The following KCNAB1 variants were observed in gnomAD, a reference collection of about 807,000 sequenced individuals.
The protein encoded by KCNAB1 is voltage-gated potassium channel subunit beta-1.
In KCNAB1, 35 loss-of-function variants were observed where a neutral mutation model predicts 64.6. The observed-to-expected ratio is 0.54, with a 90% CI of 0.41 to 0.72. The LOEUF (loss-of-function observed/expected upper bound fraction) is 0.72, where lower values mean the gene tolerates loss of function less well. Ranked by LOEUF, KCNAB1 falls within the 30% of genes least tolerant of loss-of-function variation. KCNAB1 has a pLI of 0.00. For missense variants in KCNAB1, 401 were observed against 512.9 expected (o/e 0.78, Z 2.11); for synonymous variants, 177 against 183.8 (o/e 0.96, Z 0.30).
At chr3:156,139,794 A>G (rs554944558) in intron 1 of KCNAB1, among the ~76,000 whole-genome samples, 1 of 152,244 alleles carries the variant, frequency 6.6e-6, no homozygotes, top group East Asian at 1.9e-4. Flanking sequence ...ACAAAGCATC[A>G]TTCTGATCAT....
intron 1 of KCNAB1, among the ~76,000 whole-genome samples, chr3:156,297,595 A>G (rs944035617): frequency 6.6e-6 from 1 of 152,182 alleles, no homozygotes; most frequent in African/African-American, 2.4e-5. Context: ...CTCAGACCAG[A>G]TACCAGATGC....
At chr3:156,383,221 A>C (rs1712307992) in intron 1 of KCNAB1, among the ~76,000 whole-genome samples, 2 of 152,190 alleles carry the variant, frequency 1.3e-5, no homozygotes, top group South Asian at 4.1e-4. Flanking sequence ...GAGTAGGTAC[A>C]TTCCCAAGGG....
chr3:156,269,729 C>G (rs528307614), intron 1 of KCNAB1, among the ~76,000 whole-genome samples: 2 of 151,844 alleles, frequency 1.3e-5, no homozygotes, highest in Admixed American at 1.3e-4. Context: ...ATGTAATGAC[C>G]TTTGTCTCTT....
chr3:156,305,147 C>G (rs1264916398), intron 1 of KCNAB1, among the ~76,000 whole-genome samples: 1 of 151,960 alleles, frequency 6.6e-6, no homozygotes, highest in Non-Finnish European at 1.5e-5. Context: ...TGCAAGCGAC[C>G]ATATACCTGA....
At chr3:156,526,649 A>G (rs1443082925) in intron 12 of KCNAB1, among the ~76,000 whole-genome samples, 1 of 152,200 alleles carries the variant, frequency 6.6e-6, no homozygotes, top group East Asian at 1.9e-4. Context: ...GATATTTGTC[A>G]GGTTCTATAG....
chr3:156,340,672 A>T (rs1230904254), intron 1 of KCNAB1, among the ~76,000 whole-genome samples: 1 of 152,206 alleles, frequency 6.6e-6, no homozygotes, highest in Admixed American at 6.5e-5. Context: ...TCTGAAATAA[A>T]CAGCCAATGT....
intron 7 of KCNAB1, among the ~76,000 whole-genome samples, chr3:156,469,275 G>GAGAC (rs1265736952): frequency 1.3e-5 from 1 of 75,992 alleles, no homozygotes; most frequent in Non-Finnish European, 2.4e-5. Context: ...TTTTTTTTTG[G>GAGAC]AGACAGAGTC....
chr3:156,361,280 C>T (rs971462289), intron 1 of KCNAB1, among the ~76,000 whole-genome samples: 1 of 152,136 alleles, frequency 6.6e-6, no homozygotes, highest in Non-Finnish European at 1.5e-5. Context: ...TAGCCATCCA[C>T]GTGGCTGTCT....
intron 1 of KCNAB1, among the ~76,000 whole-genome samples, chr3:156,172,633 A>T (rs1266849840): frequency 1.3e-5 from 2 of 152,196 alleles, no homozygotes; most frequent in African/African-American, 4.8e-5. Flanking sequence ...TTGGTTACTT[A>T]TTCCCAGGTC....
intron 1 of KCNAB1, among the ~76,000 whole-genome samples, chr3:156,189,462 T>C (rs951947379): frequency 2.6e-5 from 4 of 152,246 alleles, no homozygotes; most frequent in Non-Finnish European, 4.4e-5. Flanking sequence ...GCTGTTATTA[T>C]GGCCAGTGTG....
At chr3:156,357,763 A>G (rs1725356500) in intron 1 of KCNAB1, among the ~76,000 whole-genome samples, 1 of 149,740 alleles carries the variant, frequency 6.7e-6, no homozygotes, top group African/African-American at 2.4e-5. Context: ...TTATCAATAT[A>G]TCATAATGTA....
intron 1 of KCNAB1, among the ~76,000 whole-genome samples, chr3:156,356,641 A>C (rs1725265278): frequency 6.6e-6 from 1 of 152,228 alleles, no homozygotes; most frequent in Non-Finnish European, 1.5e-5. Context: ...CTTTCTGTAC[A>C]AATAATATAC....
intron 1 of KCNAB1, among the ~76,000 whole-genome samples, chr3:156,129,933 C>A (rs932721728): frequency 2.6e-5 from 4 of 152,158 alleles, no homozygotes. Flanking sequence ...TAACATGGAC[C>A]AAACGCCTTG....
chr3:156,465,872 T>G (rs376009234), intron 7 of KCNAB1, among the ~76,000 whole-genome samples, 186 bp downstream of exon 7: 4 of 152,106 alleles, frequency 2.6e-5, no homozygotes, highest in African/African-American at 9.7e-5. Context: ...GAATGGGAAC[T>G]CAAAAGGAAA....
At chr3:156,363,833 G>A (rs947836770) in intron 1 of KCNAB1, among the ~76,000 whole-genome samples, 23 of 152,118 alleles carry the variant, frequency 1.5e-4, no homozygotes, top group Non-Finnish European at 1.5e-5. Context: ...ATAAAATGGT[G>A]CAGAATCTCA....
At chr3:156,536,556 G>T (rs919146499) in intron 13 of KCNAB1, 102 bp from the exon 14 acceptor site, 12 of 806,440 alleles carry the variant, frequency 1.5e-5, no homozygotes, top group Non-Finnish European at 2.4e-5. Flanking sequence ...TGTGGTTTAT[G>T]AAGATATATG....
intron 2 of KCNAB1, among the ~76,000 whole-genome samples, chr3:156,451,563 T>C (rs1383691624): frequency 6.9e-6 from 1 of 144,390 alleles, no homozygotes; most frequent in Non-Finnish European, 1.5e-5. Flanking sequence ...CTTAGTATAC[T>C]GTCTGGCATT....
At chr3:156,136,865 G>C (rs905803609) in intron 1 of KCNAB1, among the ~76,000 whole-genome samples, 22 of 152,232 alleles carry the variant, frequency 1.4e-4, no homozygotes, top group African/African-American at 4.8e-4. Context: ...TTTTGCTACA[G>C]ATGCCAGAGC....
intron 1 of KCNAB1, among the ~76,000 whole-genome samples, chr3:156,350,730 T>A (rs1724802573): frequency 6.6e-6 from 1 of 152,250 alleles, no homozygotes; most frequent in Non-Finnish European, 1.5e-5. Context: ...CATGACTCCA[T>A]GAAAATGTGT....
Sources: allele counts gnomAD v4.1 joint callset (sites outside exome capture counted in the v4.1 genomes callset), GRCh38; gene constraint gnomAD v4.1.1; transcripts MANE v1.5; gene names NCBI Gene and HGNC (gene_info 2026-07-23, HGNC 2026-07-21).